TNFSF15: variants seen among roughly 807,000 people sequenced by gnomAD.
TNFSF15 encodes the protein TNF superfamily member 15, also known as tumor necrosis factor ligand superfamily member 15.
In TNFSF15, 15 loss-of-function variants were observed where a neutral mutation model predicts 26.4. That is an observed-to-expected ratio of 0.57 (90% CI 0.38 to 0.87). The LOEUF is 0.87. TNFSF15 is among the 40% of genes least tolerant of loss of function. TNFSF15 has a pLI of 0.00. For missense variants in TNFSF15, 290 were observed against 306.1 expected, an observed-to-expected ratio of 0.95 and a Z score of 0.39; for synonymous variants, 116 against 115.0, an observed-to-expected ratio of 1.01 and a Z score of -0.06.
Position 114,790,889 on chromosome 9 carries a change from T to A in TNFSF15, c.319A>T (p.Thr107Ser), listed in dbSNP as rs753523598. Reference sequence around the variant, plus strand: ...GGGAACTGATTTTTAAAGTGCTGTGTGGGAGTTTGTCTCACAACTGGAAAG... The same window carrying A: ...GGGAACTGATTTTTAAAGTGCTGTGAGGGAGTTTGTCTCACAACTGGAAAG... ...AHLTVVRQTPTQHFKNQFPAL... is the reference protein window; with the variant it reads ...AHLTVVRQTPSQHFKNQFPAL... Residue 107 changes from threonine to serine, a missense_variant, in exon 4 of 4, where the codon ACA becomes TCA. Around this residue, in one of 3 missense-constraint regions of TNFSF15, gnomAD observed 179 missense variants for 165.9 expected, o/e 1.08. Coordinates refer to ENST00000374045, the MANE Select transcript of TNFSF15 (RefSeq NM_005118.4). 3.1e-6 allele frequency: 5 copies of A among 1,613,978 alleles called. No homozygotes were observed. The highest frequency in any genetic ancestry group is 1.7e-5 in the Admixed American group (1 of 59,998).
At chr9:114,792,957 A>G (rs1829625987) in intron 2 of TNFSF15, among the ~76,000 whole-genome samples, 1 of 152,278 alleles carries the variant, frequency 6.6e-6, no homozygotes, top group African/African-American at 2.4e-5. Flanking sequence ...CTTTAGCTAT[A>G]TGACTTTGGT....
At position 114,791,216 on chromosome 9, in the gene TNFSF15, C is replaced by T. The variant is rs149573538; in HGVS notation, c.302-310G>A. On this transcript the variant is annotated intron_variant, in intron 3 of 3. Coordinates refer to ENST00000374045, the MANE Select transcript of TNFSF15 (RefSeq NM_005118.4). The stretch of plus-strand genomic sequence containing the variant: ...AGAACAATGAAGGTTAAGGAATCCC[C>T]CTATTCTTCTGTGTTTAGGAAAATG... 115 of 511,884 alleles carry T rather than the reference C, an allele frequency of 2.2e-4. 1 individual carries two copies. The East Asian group carries it at 3.7e-3, about 16-fold the overall frequency. The allele number at this position is 511,884 out of a possible 1,614,324, so 31.7% of individuals were successfully genotyped here.
chr9:114,788,616 G>A lies in TNFSF15; in HGVS notation c.*1836C>T, dbSNP rs1829543306. ...GGAAACCAGAGTGAGAGTGATTTTG[G>A]TGCCAAATTTCCTCTCAGACTCATC... On this transcript the variant is annotated 3_prime_UTR_variant, in exon 4 of 4. Transcript: ENST00000374045. The A allele has an allele frequency of 6.6e-6, 1 of 152,122 alleles. No homozygotes were observed. The highest frequency in any genetic ancestry group is 2.1e-4 in the South Asian group (1 of 4,832). 9.4% of individuals were successfully genotyped at this position (152,122 alleles called of 1,614,324 possible).
rs56314033 is a variant in TNFSF15 at position 114,791,150 on chromosome 9, A to G, written c.302-244T>C. 164 of 587,764 alleles carry G rather than the reference A, an allele frequency of 2.8e-4. No individual in the cohort carries two copies. In the East Asian group the frequency reaches 4.6e-3, roughly 16 times the overall value. 36.4% of individuals were successfully genotyped at this position (587,764 alleles called of 1,614,324 possible). On this transcript the variant is annotated intron_variant, in intron 3 of 3. Coordinates refer to ENST00000374045, the MANE Select transcript of TNFSF15 (RefSeq NM_005118.4). ...TGCCTTTCTGAGACTGAGTGGTCTG[A>G]CCTGAAAATTTTTAATTTTACCTGA... is the stretch of plus-strand genomic sequence containing the variant.
chr9:114,801,546 CG>C (rs1829748182), intron 1 of TNFSF15, among the ~76,000 whole-genome samples: 1 of 152,112 alleles, frequency 6.6e-6, no homozygotes, highest in Middle Eastern at 3.2e-3. Flanking sequence ...TTTCCCTGAG[CG>C]GGGAAATTCC....
At chr9:114,796,417 C>T (rs1829672893) in intron 1 of TNFSF15, among the ~76,000 whole-genome samples, 1 of 152,248 alleles carries the variant, frequency 6.6e-6, no homozygotes, top group South Asian at 2.1e-4. Context: ...TAACTTATCC[C>T]AGTCTCGCTA....
At position 114,788,207 on chromosome 9, in the gene TNFSF15, T is replaced by C. The variant is rs1259136583; in HGVS notation, c.*2245A>G. On this transcript the variant is annotated 3_prime_UTR_variant, in exon 4 of 4. Transcript: ENST00000374045. Reference sequence around the variant, plus strand: ...AGCAAGTTTTGGAGTTACTGAGAAATCTTTCTTTTCTGCTTTAAGTCAAGG... The same window carrying C: ...AGCAAGTTTTGGAGTTACTGAGAAACCTTTCTTTTCTGCTTTAAGTCAAGG... 6.5e-6 allele frequency: 1 copy of C among 153,752 alleles called. No individual in the cohort carries two copies. Among genetic ancestry groups the C allele is most frequent in the African/African-American group, 2.4e-5 (1 of 41,452 alleles). The allele number at this position is 153,752 out of a possible 1,614,324, so 9.5% of individuals were successfully genotyped here.
At chr9:114,791,155 A>C (rs1371211994) in intron 3 of TNFSF15, 1 of 581,428 alleles carries the variant, frequency 1.7e-6, no homozygotes, top group Non-Finnish European at 3.1e-6. Flanking sequence ...GTCTGACCTG[A>C]AAATTTTTAA....
At chr9:114,802,208 T>C (rs557973458) in intron 1 of TNFSF15, among the ~76,000 whole-genome samples, 1 of 152,240 alleles carries the variant, frequency 6.6e-6, no homozygotes, top group African/African-American at 2.4e-5. Context: ...TCTACTACCT[T>C]TGTGGAGAGG....
chr9:114,787,534 A>C lies in TNFSF15; in HGVS notation c.*2918T>G, dbSNP rs1829521814. 6.6e-6 allele frequency: 1 copy of C among 152,234 alleles called. No individual in the cohort carries two copies. The highest frequency in any genetic ancestry group is 2.1e-4 in the South Asian group (1 of 4,826). The allele number at this position is 152,234 out of a possible 1,614,324, so 9.4% of individuals were successfully genotyped here. On this transcript the variant is annotated 3_prime_UTR_variant, in exon 4 of 4. Transcript: ENST00000374045. ...CTTTTGAGTGACATTTAACCAACAAAGCATTTTCTCCCTAAATTTACTGTT... is the reference window on the plus strand; with the variant it reads ...CTTTTGAGTGACATTTAACCAACAACGCATTTTCTCCCTAAATTTACTGTT...
intron 2 of TNFSF15, among the ~76,000 whole-genome samples, chr9:114,793,175 A>G (rs940942003): frequency 1.2e-4 from 18 of 152,262 alleles, no homozygotes; most frequent in African/African-American, 3.9e-4. Flanking sequence ...TATAGGAATT[A>G]ACTGATTTAA....
chr9:114,793,649 G>T, intron 1 of TNFSF15, 81 bp from the exon 2 acceptor site: 1 of 1,377,420 alleles, frequency 7.3e-7, no homozygotes, highest in Non-Finnish European at 1.0e-6. Context: ...GCACAGGTAT[G>T]ATTACAAAGC....
At position 114,790,235 on chromosome 9, in the gene TNFSF15, A is replaced by G. The variant is rs1445039627; in HGVS notation, c.*217T>C. 1 of 479,606 alleles carries G rather than the reference A, an allele frequency of 2.1e-6. No homozygotes were observed. Among genetic ancestry groups the G allele is most frequent in the Non-Finnish European group, 3.7e-6 (1 of 272,088 alleles). The allele number at this position is 479,606 out of a possible 1,614,324, so 29.7% of individuals were successfully genotyped here. ...ATCCTCCAACCCATCTTAATAATAT[A>G]TTTGCTCTCTTCAGCCTTTTTCCAG... On this transcript the variant is annotated 3_prime_UTR_variant, in exon 4 of 4. Transcript: ENST00000374045.
rs978548002 is a variant in TNFSF15 at position 114,792,401 on chromosome 9, G to T, written c.301+6C>A. ...GTCTCCCGTAAAACACAGCAGGGAG[G>T]CTTACCTGTCAGGTGTGCCCTTGGC... On this transcript the variant is annotated splice_donor_region_variant and intron_variant, in intron 3 of 3. Coordinates refer to ENST00000374045, the MANE Select transcript of TNFSF15 (RefSeq NM_005118.4). 4 of 1,613,778 alleles carry T rather than the reference G, an allele frequency of 2.5e-6. No homozygotes were observed. The highest frequency in any genetic ancestry group is 2.5e-6 in the Non-Finnish European group (3 of 1,179,882).
chr9:114,796,068 A>T (rs1021725863), intron 1 of TNFSF15, among the ~76,000 whole-genome samples: 3 of 152,126 alleles, frequency 2.0e-5, no homozygotes, highest in Non-Finnish European at 4.4e-5. Flanking sequence ...AATTCTGTTA[A>T]AGCCACCATT....
In TNFSF15 at chr9:114,784,726, A is replaced by G. The variant is rs1315297541; in HGVS notation, c.*5726T>C. ...CACATACAACATTTCATTTACAGAG[A>G]TTAGAATTCATACACTAGTACCCAA... On this transcript the variant is annotated 3_prime_UTR_variant, in exon 4 of 4. Transcript: ENST00000374045. 6.6e-6 allele frequency: 1 copy of G among 152,260 alleles called. No individual in the cohort carries two copies. The highest frequency in any genetic ancestry group is 1.9e-4 in the East Asian group (1 of 5,204). The allele number at this position is 152,260 out of a possible 1,614,324, so 9.4% of individuals were successfully genotyped here. A position where few individuals can be genotyped will look rare whatever the true frequency, so the allele number is the denominator to read the frequency against.
In TNFSF15 at chr9:114,805,829, G is replaced by C. The variant is rs1294409455; in HGVS notation, c.184C>G (p.Gln62Glu). The change falls in exon 1 of 4, where the codon CAG becomes GAG. Residue 62 changes from glutamine (Q) to glutamate (E), a missense_variant. Physicochemically the swap from Gln to Glu is conservative, Grantham distance 29 (BLOSUM62 2). This residue lies in a region of TNFSF15 where 179 missense variants were observed against 165.9 expected (regional missense o/e 1.08). Coordinates refer to ENST00000374045, the MANE Select transcript of TNFSF15 (RefSeq NM_005118.4). The part of the protein sequence containing the change: ...TYLLVSQLRA[Q>E]GEACVQFQAL... ...TGGAACTGCACACAGGCCTCTCCCT[G>C]GGCCCGGAGCTGGCTGACAAGCAGG... The C allele has an allele frequency of 5.6e-6, 9 of 1,613,580 alleles. No homozygotes were observed. The East Asian group carries it at 2.0e-4, about 36-fold the overall frequency.
chr9:114,792,156 A>G (rs929081770), intron 3 of TNFSF15: 1 of 502,736 alleles, frequency 2.0e-6, no homozygotes. Flanking sequence ...TATGGAATCA[A>G]CTTAAGTGTT....
rs371091768 is a variant in TNFSF15, at chr9:114,790,637, G to A, written c.571C>T (p.Pro191Ser). Residue 191 changes from proline to serine, a missense_variant, in exon 4 of 4, where the codon CCA (proline) becomes TCA (serine). Around this residue, in one of 3 missense-constraint regions of TNFSF15, gnomAD observed 102 missense variants for 114.7 expected, o/e 0.89. Transcript: ENST00000374045. ...TTGGTCCCCATGAGGAGCTGGGTTG[G>A]CTCAGGGTAGCTGTCTGTTACCTTG... The part of the protein sequence containing the change: ...ITKVTDSYPE[P>S]TQLLMGTKSV... The A allele has an allele frequency of 1.4e-5, 22 of 1,614,046 alleles. No homozygotes were observed. The highest frequency in any genetic ancestry group is 2.2e-5 in the East Asian group (1 of 44,852).
Sources: gnomAD v4.1 joint callset for allele counts (sites outside exome capture counted in the v4.1 genomes callset) on GRCh38, gnomAD v4.1.1 for gene constraint, gnomAD v4.1.1 regional missense constraint, MANE v1.5 for transcripts, NCBI Gene and HGNC (gene_info 2026-07-23, HGNC 2026-07-21) for gene names.